The following LITAF variants were observed in gnomAD, a reference collection of about 807,000 sequenced individuals.
The protein encoded by LITAF is lipopolysaccharide induced TNF factor.
LITAF carries 9 observed loss-of-function variants against 14.5 expected under a neutral mutation model. The ratio of observed to expected loss-of-function variants is 0.62; its 90% CI spans 0.37 to 1.08. The LOEUF (loss-of-function observed/expected upper bound fraction) is 1.08, where lower values mean the gene tolerates loss of function less well. Among genes scored for constraint, LITAF ranks in the 50% least tolerant of loss-of-function variants. The pLI is 0.01. For missense variants in LITAF, 206 were observed against 213.4 expected (o/e 0.97, Z 0.22); for synonymous variants, 98 against 88.2 (o/e 1.11, Z -0.62).
chr16:11,638,789 A>G (rs1208920348), upstream of LITAF, among the ~76,000 whole-genome samples: 1 of 149,728 alleles, frequency 6.7e-6, no homozygotes, highest in Non-Finnish European at 1.5e-5. Context: ...AGCAATTCTC[A>G]TGTTAATATT....
intron 1 of LITAF, among the ~76,000 whole-genome samples, chr16:11,577,645 A>G (rs910433419): frequency 4.6e-5 from 7 of 151,994 alleles, no homozygotes; most frequent in African/African-American, 1.7e-4. Flanking sequence ...AAACAAGAAA[A>G]GACAAATCTT....
At chr16:11,618,709 C>T (rs943969525) in intron 3 of LITAF, among the ~76,000 whole-genome samples, 5 of 152,070 alleles carry the variant, frequency 3.3e-5, no homozygotes, top group Non-Finnish European at 7.4e-5. Context: ...CACTGGCCGG[C>T]CGCGGGGGCT....
intron 3 of LITAF, among the ~76,000 whole-genome samples, chr16:11,607,059 G>C (rs1437144429): frequency 6.6e-6 from 1 of 152,186 alleles, no homozygotes; most frequent in African/African-American, 2.4e-5. Context: ...CCACCATTTG[G>C]GAGTAAATCC....
rs1260109951 is a variant in LITAF, at chr16:11,605,341, C to T, written c.85+28192G>A. On this transcript the variant is annotated intron_variant, in intron 3 of 3. Coordinates refer to the LITAF transcript ENST00000574848. This position sits in a 1 kb window ranked among gnomAD's most constrained non-coding sequence, Gnocchi z 4.7. ...CAGGTCTGGCTATGTCTTCAGAAAC[C>T]CCCACGAGGCCCAGGATTCCTCCCA... Among the ~76,000 whole-genome samples, 1 of 152,142 alleles carries T rather than the reference C, an allele frequency of 6.6e-6. No homozygotes were observed. Among genetic ancestry groups the T allele is most frequent in the Non-Finnish European group, 1.5e-5 (1 of 68,026 alleles).
intron 3 of LITAF, among the ~76,000 whole-genome samples, chr16:11,626,028 T>G (rs1246295620): frequency 6.6e-6 from 1 of 152,130 alleles, no homozygotes; most frequent in East Asian, 1.9e-4. Context: ...CAATTCCAGA[T>G]CCCATGCGCT....
intron 3 of LITAF, among the ~76,000 whole-genome samples, chr16:11,609,209 C>CTTTTT (rs1233293198): frequency 7.2e-6 from 1 of 139,240 alleles, no homozygotes; most frequent in South Asian, 2.3e-4. Context: ...GAATAGTAGA[C>CTTTTT]TTTTTTTTTT....
intron 3 of LITAF, among the ~76,000 whole-genome samples, chr16:11,614,125 T>G (rs1022639062): frequency 2.0e-5 from 3 of 152,008 alleles, no homozygotes; most frequent in Non-Finnish European, 4.4e-5. Flanking sequence ...CCTTTCTCCC[T>G]CCTACGGATG....
chr16:11,554,208 G>A (rs540628731), intron 2 of LITAF, among the ~76,000 whole-genome samples: 1 of 152,206 alleles, frequency 6.6e-6, no homozygotes, highest in African/African-American at 2.4e-5. Flanking sequence ...CTCCAGCCTG[G>A]ACAACAGAGC....
intron 1 of LITAF, among the ~76,000 whole-genome samples, chr16:11,585,187 C>T (rs923685801): frequency 7.4e-5 from 11 of 148,856 alleles, no homozygotes; most frequent in African/African-American, 2.5e-4. Context: ...GAGCCGAGAT[C>T]GCACCACTGC....
chr16:11,589,520 T>C (rs1390253485), upstream of LITAF, among the ~76,000 whole-genome samples: 1 of 152,022 alleles, frequency 6.6e-6, no homozygotes, highest in African/African-American at 2.4e-5. Flanking sequence ...TATGATCCTA[T>C]ATGTAAGAAC....
At chr16:11,552,286 G>T (rs1033502697) in intron 3 of LITAF, among the ~76,000 whole-genome samples, 11 of 152,186 alleles carry the variant, frequency 7.2e-5, no homozygotes, top group South Asian at 2.1e-4. Flanking sequence ...TGCTTGGTGG[G>T]AAACAAAAAA....
rs187822464 is a variant in LITAF, at chr16:11,634,372, C to T, written c.-20-735G>A. 1.4e-4 allele frequency among the ~76,000 whole-genome samples: 22 copies of T among 152,232 alleles called. No homozygotes were observed. Among genetic ancestry groups the T allele is most frequent in the African/African-American group, 4.1e-4 (17 of 41,540 alleles). ...ATGATTCCCTTCCCCAAAACTCAAC[C>T]GCCTTTGTGAAGGTAACAAAAGGCC... is the stretch of plus-strand genomic sequence containing the variant. On this transcript the variant is annotated intron_variant, in intron 2 of 3. Transcript: ENST00000574848. This position sits in a 1 kb window ranked among gnomAD's most constrained non-coding sequence, Gnocchi z 4.1.
upstream of LITAF, chr16:11,587,635 A>G (rs1044226395): frequency 8.7e-6 from 2 of 230,580 alleles, no homozygotes; most frequent in East Asian, 1.5e-4. Context: ...CCGTGCCGCC[A>G]GGTAGGCCTT....
rs1243850135 is a variant in LITAF, at chr16:11,613,396, C to G, written c.85+20137G>C. On this transcript the variant is annotated intron_variant, in intron 3 of 3. Coordinates refer to the LITAF transcript ENST00000574848. ...CTGGGGGAATAAGCAATGCAGCCAG[C>G]TGCCAGGTCCCAGGGCTGCCTTCTC... Among the ~76,000 whole-genome samples the G allele has an allele frequency of 2.0e-5, 3 of 152,240 alleles. No homozygotes were observed. In the East Asian group the frequency reaches 5.8e-4, roughly 29 times the overall value.
chr16:11,590,698 G>A (rs760380926), upstream of LITAF, among the ~76,000 whole-genome samples: 1 of 118,072 alleles, frequency 8.5e-6, no homozygotes, highest in African/African-American at 4.0e-5. Flanking sequence ...TTCCCAAACT[G>A]ATGTACGGGT....
At chr16:11,639,558 TTC>T (rs1253030676), upstream of LITAF, among the ~76,000 whole-genome samples, 3 of 152,098 alleles carry the variant, frequency 2.0e-5, no homozygotes, top group Non-Finnish European at 4.4e-5. Flanking sequence ...CCCCGTATAG[TTC>T]TTTCAACTTT....
intron 1 of LITAF, among the ~76,000 whole-genome samples, chr16:11,578,191 A>G (rs1037250384): frequency 5.3e-5 from 8 of 152,186 alleles, no homozygotes; most frequent in Middle Eastern, 3.4e-3. Context: ...GAGCCATGGC[A>G]CCTCGTAGGA....
chr16:11,569,355 C>T (rs995711043), intron 1 of LITAF, among the ~76,000 whole-genome samples: 7 of 152,142 alleles, frequency 4.6e-5, no homozygotes, highest in African/African-American at 1.7e-4. Context: ...ATCCTCCCAC[C>T]TCAGCCTCCC....
intron 3 of LITAF, among the ~76,000 whole-genome samples, chr16:11,617,705 G>A (rs551089061): frequency 1.3e-5 from 2 of 152,182 alleles, no homozygotes; most frequent in South Asian, 2.1e-4. Flanking sequence ...GATTACAGGG[G>A]TGAGTCACCG....
Sources: allele counts gnomAD v4.1 joint callset (sites outside exome capture counted in the v4.1 genomes callset), GRCh38; gene constraint gnomAD v4.1.1; non-coding constraint Gnocchi (gnomAD v3.1); transcripts MANE v1.5; gene names NCBI Gene and HGNC (gene_info 2026-07-23, HGNC 2026-07-21).